The following ZNF208 variants were observed in gnomAD, a reference collection of about 807,000 sequenced individuals.
The protein encoded by ZNF208 is zinc finger protein 95.
Under a neutral mutation model 12.1 loss-of-function variants are expected in ZNF208, and 10 were observed. The observed-to-expected ratio is 0.83, with a 90% CI of 0.51 to 1.40. The LOEUF is 1.40. Ranked by LOEUF, ZNF208 falls within the 40% of genes most tolerant of loss-of-function variation. The pLI, the probability that ZNF208 is intolerant of heterozygous loss-of-function variation, is 0.00. For synonymous variants in ZNF208, 497 were observed against 488.4 expected (o/e 1.02, Z -0.23); for missense variants, 1,652 against 1,485.0 (o/e 1.11, Z -1.85).
Position 21,968,792 on chromosome 19 carries a change from C to T in ZNF208, c.*2399G>A, listed in dbSNP as rs1318744616. ...CTCTTTGCAATGTGGTAAAACTTCG[C>T]TGTGATTTCATATGATCCAGGGCTT... On this transcript the variant is annotated 3_prime_UTR_variant, in exon 4 of 4. Coordinates refer to ENST00000397126, the MANE Select transcript of ZNF208 (RefSeq NM_007153.3). 6.6e-6 allele frequency among the ~76,000 whole-genome samples: 1 copy of T among 152,156 alleles called. No individual in the cohort carries two copies. The highest frequency in any genetic ancestry group is 1.9e-4 in the East Asian group (1 of 5,150).
intron 1 of ZNF208, among the ~76,000 whole-genome samples, chr19:22,007,977 C>T (rs1971076090): frequency 7.3e-6 from 1 of 136,714 alleles, no homozygotes; most frequent in African/African-American, 2.9e-5. Context: ...GCAGTCCAGC[C>T]TGGGTGACAG....
downstream of ZNF208, among the ~76,000 whole-genome samples, chr19:21,961,253 C>T (rs977894575): frequency 3.3e-5 from 5 of 152,098 alleles, no homozygotes; most frequent in Non-Finnish European, 7.4e-5. Flanking sequence ...GACTGTGATG[C>T]CCACCTGAGC....
At chr19:21,942,744 G>A (rs1280435578) in intron 4 of ZNF208, among the ~76,000 whole-genome samples, 1 of 152,078 alleles carries the variant, frequency 6.6e-6, no homozygotes, top group African/African-American at 2.4e-5. Flanking sequence ...CGCCTCCTGG[G>A]TTCACACAAT....
rs757495287 is a variant in ZNF208 at position 21,972,298 on chromosome 19, A to G, written c.2736T>C (p.Thr912=). 16 of 1,613,716 alleles carry G rather than the reference A, an allele frequency of 9.9e-6. No individual in the cohort carries two copies. The highest frequency in any genetic ancestry group is 1.3e-5 in the Non-Finnish European group (15 of 1,179,902). ...CTTCACATTTGTAGGGTTTCTCTCC[A>G]GTATGAATTACCTCATGTTTAGTAA... ...SILTKHEVIH[T]GEKPYKCEEC... is the part of the protein sequence containing the mutation. The change falls in exon 4 of 4, where the codon ACT becomes ACC. Residue 912 remains threonine, a synonymous_variant. Transcript: ENST00000397126.
chr19:21,974,715 C>T lies in ZNF208; in HGVS notation c.319G>A (p.Gly107Arg), dbSNP rs369173282. The T allele has an allele frequency of 7.4e-6, 12 of 1,613,440 alleles. No individual in the cohort carries two copies. The highest frequency in any genetic ancestry group is 1.0e-5 in the Non-Finnish European group (12 of 1,179,690). ...KVILRRYEKC[G>R]HENLHLKIGY... The stretch of plus-strand genomic sequence containing the variant: ...ATTTTTAAGTGTAAATTCTCATGTC[C>T]ACATTTTTCATACCTTCTCAATATC... Residue 107 changes from glycine (G) to arginine (R), a missense_variant, in exon 4 of 4, where the codon GGA becomes AGA. By Grantham distance (125) the Gly-to-Arg change is moderately radical. Coordinates refer to ENST00000397126, the MANE Select transcript of ZNF208 (RefSeq NM_007153.3).
At chr19:21,976,586 G>A (rs2145555181) in intron 3 of ZNF208, among the ~76,000 whole-genome samples, 1 of 152,240 alleles carries the variant, frequency 6.6e-6, no homozygotes. Context: ...TTGAGACAAA[G>A]TTTTACTTTT....
rs781240215 is a variant in ZNF208 at position 21,971,306 on chromosome 19, T to G, written c.3728A>C (p.His1243Pro). ...AFSTFSILTK[H>P]KVIHTGEKPY... ...TTTCTCTCCAGTATGAATTACCTTA[T>G]GTTTAGTGAGGATTGAGAACGTACT... The change falls in exon 4 of 4, where the codon CAT becomes CCT. Residue 1243 changes from histidine (H) to proline (P), a missense_variant. Transcript: ENST00000397126. 6.2e-7 allele frequency: 1 copy of G among 1,612,126 alleles called. No individual in the cohort carries two copies. The highest frequency in any genetic ancestry group is 8.5e-7 in the Non-Finnish European group (1 of 1,179,942).
In ZNF208 at chr19:22,007,119, AT is replaced by A. The variant is rs368913122; in HGVS notation, c.3+3672del. ...CTACCGCATTTTCTTGTGGAAATAT[AT>A]TAATTCTCTATAGCCAAAATGGAAG... On this transcript the variant is annotated intron_variant, in intron 1 of 3. Coordinates refer to ENST00000397126, the MANE Select transcript of ZNF208 (RefSeq NM_007153.3). Among the ~76,000 whole-genome samples, 365 of 152,328 alleles carry A rather than the reference AT, an allele frequency of 2.4e-3. 2 individuals are homozygous for A. The highest frequency in any genetic ancestry group is 8.0e-3 in the African/African-American group (334 of 41,588).
At chr19:21,941,469 A>G (rs1463381332) in intron 4 of ZNF208, 2 of 398,710 alleles carry the variant, frequency 5.0e-6, no homozygotes, top group Non-Finnish European at 8.8e-6. Flanking sequence ...GTGAGTTACA[A>G]CTGCACCATT....
chr19:22,004,497 A>G (rs559722156), intron 1 of ZNF208, among the ~76,000 whole-genome samples: 1 of 152,304 alleles, frequency 6.6e-6, no homozygotes, highest in East Asian at 1.9e-4. Flanking sequence ...TGAGTGACAC[A>G]GCAAGATTCC....
rs1970212856 is a variant in ZNF208 at position 21,968,459 on chromosome 19, TC to T, written c.*2731del. 1.3e-5 allele frequency: 2 copies of T among 152,246 alleles called. No individual in the cohort carries two copies. The highest frequency in any genetic ancestry group is 4.1e-4 in the South Asian group (2 of 4,830). The allele number at this position is 152,246 out of a possible 1,614,324, so 9.4% of individuals were successfully genotyped here. ...TTCTGCCCCTACTGTTATTTTTTTT[TC>T]TTTTAATTATCTTTACATGGTGAAT... On this transcript the variant is annotated 3_prime_UTR_variant, in exon 4 of 4. Transcript: ENST00000397126.
downstream of ZNF208, among the ~76,000 whole-genome samples, chr19:21,963,965 T>C (rs942783463): frequency 1.3e-5 from 2 of 151,912 alleles, no homozygotes; most frequent in African/African-American, 2.4e-5. Flanking sequence ...AAGTATTGCA[T>C]ATTTCAAAAT....
Position 21,974,614 on chromosome 19 carries a change from T to G in ZNF208, c.420A>C (p.Thr140=). The part of the protein sequence containing the change: ...YNKLNQSLTT[T]QSKVFQRGKY... ...TGCCACGTTGAAATACTTTGCTCTG[T>G]GTAGTTGTCAAACTCTGGTTAAGTT... The change falls in exon 4 of 4, where the codon ACA becomes ACC. Residue 140 remains threonine, a synonymous_variant. Transcript: ENST00000397126. The G allele has an allele frequency of 6.2e-7, 1 of 1,613,742 alleles. No individual in the cohort carries two copies. The highest frequency in any genetic ancestry group is 8.5e-7 in the Non-Finnish European group (1 of 1,179,742).
chr19:21,996,670 A>G (rs1171483623), intron 1 of ZNF208, among the ~76,000 whole-genome samples: 1 of 152,172 alleles, frequency 6.6e-6, no homozygotes, highest in African/African-American at 2.4e-5. Context: ...ATTTGTGGGC[A>G]TTTTAGCATG....
Position 21,998,932 on chromosome 19 carries a change from T to C in ZNF208, c.4-10023A>G, listed in dbSNP as rs1396029404. 5 of 152,212 alleles carry C rather than the reference T, an allele frequency of 3.3e-5. No homozygotes were observed. The East Asian group carries it at 5.8e-4, about 18-fold the overall frequency. The allele number at this position is 152,212 out of a possible 1,614,324, so 9.4% of individuals were successfully genotyped here. A position where few individuals can be genotyped will look rare whatever the true frequency, so the allele number is the denominator to read the frequency against. On this transcript the variant is annotated intron_variant, in intron 1 of 3. Transcript: ENST00000397126. ...CTAACTGGAGAGCAATTACGGTTTT[T>C]GGGTAGCCATATCACTTGTCTTTGT...
Position 21,974,664 on chromosome 19 carries a change from T to C in ZNF208, c.370A>G (p.Lys124Glu), listed in dbSNP as rs773746401. Residue 124 changes from lysine to glutamate, a missense_variant, in exon 4 of 4, where the codon AAG becomes GAG. Physicochemically the swap from Lys to Glu is moderately conservative, Grantham distance 56. Around this residue, in one of 3 missense-constraint regions of ZNF208, gnomAD observed 410 missense variants for 378.2 expected, o/e 1.08. Transcript: ENST00000397126. ...KIGYTNVDEC[K>E]VHKEGYNKLN... Reference sequence around the variant, plus strand: ...TTATTATAACCTTCTTTGTGCACCTTACACTCATCCACATTGGTATAACCA... The same window carrying C: ...TTATTATAACCTTCTTTGTGCACCTCACACTCATCCACATTGGTATAACCA... 6.2e-7 allele frequency: 1 copy of C among 1,613,734 alleles called. No individual in the cohort carries two copies.
At chr19:21,948,238 T>G (rs1442904245) in intron 4 of ZNF208, among the ~76,000 whole-genome samples, 2 of 152,224 alleles carry the variant, frequency 1.3e-5, no homozygotes, top group Non-Finnish European at 2.9e-5. Flanking sequence ...ATGGCTTATA[T>G]TCTGTCGCAC....
In ZNF208 at chr19:21,980,401, C is replaced by T. The variant is rs544568302; in HGVS notation, c.227-5594G>A. On this transcript the variant is annotated intron_variant, in intron 3 of 3. Transcript: ENST00000397126. ...AGCACAGTGCAATCAAATTTGAACT[C>T]AGGATTAAGAAACTCACTCAAAACT... Among the ~76,000 whole-genome samples, 5 of 152,240 alleles carry T rather than the reference C, an allele frequency of 3.3e-5. No individual in the cohort carries two copies. In the East Asian group the frequency reaches 9.7e-4, roughly 29 times the overall value.
Position 21,973,511 on chromosome 19 carries a change from C to G in ZNF208, c.1523G>C (p.Trp508Ser), listed in dbSNP as rs62110926. 3 of 1,606,606 alleles carry G rather than the reference C, an allele frequency of 1.9e-6. No homozygotes were observed. Among genetic ancestry groups the G allele is most frequent in the Non-Finnish European group, 2.5e-6 (3 of 1,177,742 alleles). The change falls in exon 4 of 4, where the codon TGG (tryptophan) becomes TCG (serine). Residue 508 changes from tryptophan (W) to serine (S), a missense_variant. By Grantham distance (177) the Trp-to-Ser change is radical. Around this residue, in one of 3 missense-constraint regions of ZNF208, gnomAD observed 1,239 missense variants for 1,086.2 expected, o/e 1.14. Transcript: ENST00000397126. Reference protein sequence around the residue: ...KCEECGKAFNWSSNLMEHKRI... With the variant: ...KCEECGKAFNSSSNLMEHKRI... ...CTTATGTTCCATAAGGTTTGAGGAC[C>G]AGTTGAAAGCTTTGCCACATTCTTC...
Sources: allele counts gnomAD v4.1 joint callset (sites outside exome capture counted in the v4.1 genomes callset), GRCh38; gene constraint gnomAD v4.1.1; regional missense constraint gnomAD v4.1.1; transcripts MANE v1.5; gene names NCBI Gene and HGNC (gene_info 2026-07-23, HGNC 2026-07-21).